The following RBFOX1 variants were observed in gnomAD, a reference collection of about 807,000 sequenced individuals.
RBFOX1 encodes RNA binding protein fox-1 homolog 1.
A neutral mutation model predicts 57.7 loss-of-function variants in RBFOX1; 8 were observed. The ratio of observed to expected loss-of-function variants is 0.14; its 90% confidence interval spans 0.08 to 0.25. RBFOX1 has a LOEUF of 0.25. Among genes scored for constraint, RBFOX1 ranks in the 10% least tolerant of loss-of-function variants. RBFOX1 has a pLI of 1.00. For missense variants in RBFOX1, 611 were observed against 548.5 expected (o/e 1.11, Z -1.14); for synonymous variants, 326 against 222.4 (o/e 1.47, Z -4.15).
At chr16:6,942,165 G>T (rs2078653124) in intron 3 of RBFOX1, among the ~76,000 whole-genome samples, 1 of 152,088 alleles carries the variant, frequency 6.6e-6, no homozygotes, top group Non-Finnish European at 1.5e-5. Context: ...CTTGAACTTG[G>T]GAGATGGAGG....
intron 4 of RBFOX1, among the ~76,000 whole-genome samples, chr16:7,475,762 T>A (rs1351263788): frequency 1.3e-5 from 2 of 152,134 alleles, no homozygotes; most frequent in African/African-American, 4.8e-5. Context: ...ATATGAGAAT[T>A]TGATTGTGTT....
intron 3 of RBFOX1, among the ~76,000 whole-genome samples, chr16:6,715,870 G>A (rs993598640): frequency 1.4e-4 from 22 of 152,196 alleles, no homozygotes; most frequent in Non-Finnish European, 4.4e-5. Context: ...AGGGTATGAA[G>A]CCCCTTTGGG....
intron 1 of RBFOX1, among the ~76,000 whole-genome samples, chr16:5,438,079 C>G (rs1194398945): frequency 1.3e-5 from 2 of 152,152 alleles, no homozygotes; most frequent in South Asian, 2.1e-4. Flanking sequence ...ACCCATTGTT[C>G]ATCTATAACA....
In RBFOX1 at chr16:6,492,278, T is replaced by A. The variant is rs9935447; in HGVS notation, c.-63-162325T>A. On this transcript the variant is annotated intron_variant, in intron 2 of 15. Transcript: ENST00000550418. ...AGAGGACTATTTGGGAATTCTTATT[T>A]TGAAAAAGTAGGCTGGGCACGATGG... Among the ~76,000 whole-genome samples the A allele has an allele frequency of 3.6e-3, 543 of 152,278 alleles. 1 individual carries two copies. Among genetic ancestry groups the A allele is most frequent in the African/African-American group, 0.013 (527 of 41,562 alleles).
chr16:5,829,485 G>T (rs544582220), intron 3 of RBFOX1, among the ~76,000 whole-genome samples: 9 of 152,274 alleles, frequency 5.9e-5, no homozygotes, highest in African/African-American at 2.2e-4. Context: ...TCATTTGGGG[G>T]AGGAGGAGGG....
At chr16:7,579,073 G>T (rs112980672) in intron 5 of RBFOX1, among the ~76,000 whole-genome samples, 1 of 152,286 alleles carries the variant, frequency 6.6e-6, no homozygotes, top group East Asian at 1.9e-4. Context: ...ACTACATGTG[G>T]TTCTTGAGCG....
At chr16:5,818,317 A>T (rs533231651) in intron 3 of RBFOX1, among the ~76,000 whole-genome samples, 2 of 152,284 alleles carry the variant, frequency 1.3e-5, no homozygotes, top group East Asian at 3.9e-4. Flanking sequence ...CCTGAGTTTC[A>T]TTGCACATCA....
chr16:6,991,299 C>G (rs2091407956), intron 3 of RBFOX1, among the ~76,000 whole-genome samples: 1 of 151,970 alleles, frequency 6.6e-6, no homozygotes, highest in African/African-American at 2.4e-5. Flanking sequence ...GACCTTGTCT[C>G]AAAACAAAAG....
At chr16:7,706,224 A>C (rs1312478379) in intron 14 of RBFOX1, among the ~76,000 whole-genome samples, 2 of 152,230 alleles carry the variant, frequency 1.3e-5, no homozygotes, top group Non-Finnish European at 2.9e-5. Context: ...CCTTGCTTTC[A>C]GTTTGAGCTG....
At chr16:6,436,149 T>C (rs2094226546) in intron 2 of RBFOX1, among the ~76,000 whole-genome samples, 1 of 152,044 alleles carries the variant, frequency 6.6e-6, no homozygotes, top group Non-Finnish European at 1.5e-5. Flanking sequence ...TCTCTTCTGG[T>C]TAAAAAGATA....
At chr16:7,702,364 A>AGAAGC (rs1259271439) in intron 14 of RBFOX1, among the ~76,000 whole-genome samples, 10 of 152,222 alleles carry the variant, frequency 6.6e-5, no homozygotes, top group Non-Finnish European at 1.3e-4. Flanking sequence ...AGAATCCCCA[A>AGAAGC]GAAGCTGAGG....
At chr16:7,060,319 G>A (rs560777980) in intron 4 of RBFOX1, among the ~76,000 whole-genome samples, 3 of 152,172 alleles carry the variant, frequency 2.0e-5, no homozygotes, top group African/African-American at 7.2e-5. Context: ...TGACTGAAAT[G>A]TTAGTGAGGT....
intron 3 of RBFOX1, among the ~76,000 whole-genome samples, chr16:6,740,720 A>G (rs1168983432): frequency 1.3e-5 from 2 of 152,208 alleles, no homozygotes; most frequent in African/African-American, 2.4e-5. Context: ...AAAAAGGCCA[A>G]CATGTAAATA....
At chr16:5,749,783 GT>G (rs199578186) in intron 3 of RBFOX1, among the ~76,000 whole-genome samples, 20,781 of 152,060 alleles carry the variant, frequency 0.14, 1,559 homozygotes, top group African/African-American at 0.16. Flanking sequence ...TTTTTTCAAG[GT>G]TTTTAGCTTC....
At chr16:7,469,648 A>C (rs2061197826) in intron 4 of RBFOX1, among the ~76,000 whole-genome samples, 1 of 152,232 alleles carries the variant, frequency 6.6e-6, no homozygotes, top group Non-Finnish European at 1.5e-5. Context: ...TTAATGTCTC[A>C]CATCATTATG....
intron 1 of RBFOX1, among the ~76,000 whole-genome samples, chr16:6,100,249 G>T (rs1408230934): frequency 6.6e-6 from 1 of 151,914 alleles, no homozygotes; most frequent in Non-Finnish European, 1.5e-5. Flanking sequence ...TGCAAGCTCC[G>T]CCTTCTGGGT....
intron 3 of RBFOX1, chr16:6,723,946 C>G (rs953270305): frequency 6.6e-6 from 1 of 152,152 alleles, no homozygotes; most frequent in Non-Finnish European, 1.5e-5. Context: ...GAAGTGGGCT[C>G]CACCTTGGCC....
chr16:5,998,414 A>G (rs2060527048), intron 4 of RBFOX1, among the ~76,000 whole-genome samples: 1 of 152,252 alleles, frequency 6.6e-6, no homozygotes, highest in South Asian at 2.1e-4. Context: ...TCAGTAGTTT[A>G]AATCAGATAT....
At chr16:6,200,183 A>G (rs2097206036) in intron 1 of RBFOX1, among the ~76,000 whole-genome samples, 1 of 152,200 alleles carries the variant, frequency 6.6e-6, no homozygotes, top group Non-Finnish European at 1.5e-5. Flanking sequence ...AAGGCTACCT[A>G]AGACTTCTGG....
Sources: allele counts gnomAD v4.1 joint callset (sites outside exome capture counted in the v4.1 genomes callset), GRCh38; gene constraint gnomAD v4.1.1; transcripts MANE v1.5; gene names NCBI Gene and HGNC (gene_info 2026-07-23, HGNC 2026-07-21).